The following WLS variants were observed in gnomAD, a reference collection of about 807,000 sequenced individuals.
WLS encodes Wnt ligand secretion mediator.
A neutral mutation model predicts 62.8 loss-of-function variants in WLS; 23 were observed. The ratio of observed to expected loss-of-function variants is 0.37; its 90% confidence interval spans 0.26 to 0.52. The LOEUF (loss-of-function observed/expected upper bound fraction) is 0.52, where lower values mean the gene tolerates loss of function less well. Ranked by LOEUF, WLS falls within the 20% of genes least tolerant of loss-of-function variation. The pLI, the probability that WLS is intolerant of heterozygous loss-of-function variation, is 0.92. For synonymous variants in WLS, 246 were observed against 244.1 expected (o/e 1.01, Z -0.07); for missense variants, 615 against 697.3 (o/e 0.88, Z 1.33).
Position 68,147,147 on chromosome 1 carries a change from T to C in WLS, c.1134+989A>G, listed in dbSNP as rs569722612. On this transcript the variant is annotated intron_variant, in intron 8 of 11. Transcript: ENST00000262348. ...TCTAATGCAGTTTCTCCTTCTTTCCTATAATGAACATCATCCTGGAATGAA... is the reference window on the plus strand; with the variant it reads ...TCTAATGCAGTTTCTCCTTCTTTCCCATAATGAACATCATCCTGGAATGAA... 2.0e-5 allele frequency among the ~76,000 whole-genome samples: 3 copies of C among 152,334 alleles called. No homozygotes were observed. The East Asian group carries it at 5.8e-4, about 29-fold the overall frequency.
At chr1:68,107,940 C>A (rs74081369) in intron 11 of WLS, among the ~76,000 whole-genome samples, 1 of 152,150 alleles carries the variant, frequency 6.6e-6, no homozygotes, top group East Asian at 1.9e-4. Context: ...AGTTCTAGAG[C>A]CTTCCAGACC....
In WLS at chr1:68,200,912, G is replaced by C. The variant is rs987429868; in HGVS notation, c.107-6685C>G. ...TGCTTTGGATTTTTTGAGTATCAAG[G>C]TGGGGAGGGTCGAAAAGAGGGAGAA... On this transcript the variant is annotated intron_variant, in intron 1 of 11. Coordinates refer to ENST00000262348, the MANE Select transcript of WLS (RefSeq NM_024911.7). Among the ~76,000 whole-genome samples the C allele has an allele frequency of 6.6e-5, 10 of 152,224 alleles. No homozygotes were observed. The South Asian group carries it at 2.1e-3, about 32-fold the overall frequency.
intron 1 of WLS, among the ~76,000 whole-genome samples, chr1:68,231,130 G>A (rs1176569700): frequency 6.6e-6 from 1 of 152,250 alleles, no homozygotes; most frequent in African/African-American, 2.4e-5. Flanking sequence ...AATCTTGAGG[G>A]GGCGGGGGGC....
intron 11 of WLS, chr1:68,102,675 C>A (rs1308667029): frequency 1.3e-5 from 2 of 152,288 alleles, no homozygotes; most frequent in Middle Eastern, 3.4e-3. Flanking sequence ...GCTCTACTAC[C>A]CAGAAGAGTT....
At chr1:68,099,763 C>A (rs535206974) in intron 11 of WLS, 1 of 152,096 alleles carries the variant, frequency 6.6e-6, no homozygotes. Context: ...GCGGAACCTG[C>A]GGATACAGAG....
intron 2 of WLS, among the ~76,000 whole-genome samples, chr1:68,188,969 C>T (rs2100589865): frequency 6.6e-6 from 1 of 152,308 alleles, no homozygotes; most frequent in African/African-American, 2.4e-5. Context: ...GAGGTTTCAC[C>T]TTCAGTGGTT....
intron 2 of WLS, among the ~76,000 whole-genome samples, chr1:68,170,518 C>T (rs919842022): frequency 6.6e-5 from 10 of 152,118 alleles, no homozygotes; most frequent in African/African-American, 2.4e-4. Flanking sequence ...ACCTGCTGTA[C>T]TCAGGGTCCC....
chr1:68,222,209 G>A (rs1044999690), intron 1 of WLS, among the ~76,000 whole-genome samples: 5 of 152,110 alleles, frequency 3.3e-5, no homozygotes, highest in African/African-American at 7.2e-5. Context: ...ACTATACTGC[G>A]TGGTTTTGGT....
intron 2 of WLS, among the ~76,000 whole-genome samples, chr1:68,190,916 G>A (rs1056401504): frequency 6.6e-6 from 1 of 152,176 alleles, no homozygotes; most frequent in Non-Finnish European, 1.5e-5. Flanking sequence ...AAATTAGCCA[G>A]GCGTGGTGGC....
At chr1:68,162,852 C>T in intron 2 of WLS, 1 of 1,411,332 alleles carries the variant, frequency 7.1e-7, no homozygotes, top group East Asian at 2.3e-5. Flanking sequence ...TGTGGTACAT[C>T]ATGGTACCCA....
rs1399001089 is a variant in WLS at position 68,137,389 on chromosome 1, C to G, written c.1516+391G>C. Among the ~76,000 whole-genome samples the G allele has an allele frequency of 5.9e-5, 9 of 152,186 alleles. No individual in the cohort carries two copies. In the East Asian group the frequency reaches 1.5e-3, roughly 26 times the overall value. ...CTATTCCATCTTCAGCTCTCAGGGC[C>G]CAGACTCCCTCCACCTGATATCTTA... On this transcript the variant is annotated intron_variant, in intron 11 of 11. Coordinates refer to ENST00000262348, the MANE Select transcript of WLS (RefSeq NM_024911.7).
intron 5 of WLS, among the ~76,000 whole-genome samples, chr1:68,152,212 T>C (rs1437430785): frequency 6.6e-6 from 1 of 152,128 alleles, no homozygotes. Context: ...TCAATGCAAA[T>C]GAAGACATTA....
In WLS at chr1:68,125,499, AG is replaced by A; in HGVS notation, c.*726del. On this transcript the variant is annotated 3_prime_UTR_variant, in exon 12 of 12. Coordinates refer to ENST00000262348, the MANE Select transcript of WLS (RefSeq NM_024911.7). Reference sequence around the variant, plus strand: ...CGCATTTTAAGCAAGAAGTTAAAAAAGCTTTTCAGACCCGAAGGCCATTTAA... The same window carrying A: ...CGCATTTTAAGCAAGAAGTTAAAAAACTTTTCAGACCCGAAGGCCATTTAA... The A allele has an allele frequency of 1.0e-6, 1 of 985,444 alleles. No individual in the cohort carries two copies. Among genetic ancestry groups the A allele is most frequent in the Non-Finnish European group, 1.2e-6 (1 of 829,922 alleles). The allele number at this position is 985,444 out of a possible 1,614,324, so 61.0% of individuals were successfully genotyped here. A position where few individuals can be genotyped will look rare whatever the true frequency, so the allele number is the denominator to read the frequency against.
Position 68,160,104 on chromosome 1 carries a change from G to T in WLS, c.380-857C>A, listed in dbSNP as rs184409682. ...TTTTTTTTTTTTTTTGAGTATAAAG[G>T]TTTAATTCTATTTAAAAAGAAAGTC... On this transcript the variant is annotated intron_variant, in intron 2 of 11. Coordinates refer to ENST00000262348, the MANE Select transcript of WLS (RefSeq NM_024911.7). Among the ~76,000 whole-genome samples, 182 of 128,926 alleles carry T rather than the reference G, an allele frequency of 1.4e-3. 2 individuals are homozygous for T. In the Middle Eastern group the frequency reaches 0.017, roughly 12 times the overall value. 84.6% of individuals were successfully genotyped at this position (128,926 alleles called of 152,430 possible).
intron 1 of WLS, chr1:68,231,475 C>A (rs537598380): frequency 3.6e-6 from 1 of 276,568 alleles, no homozygotes; most frequent in South Asian, 3.3e-5. Context: ...CCAAAAGCAA[C>A]ACCTTTCGGA....
chr1:68,216,116 T>C (rs1649716463), intron 1 of WLS, among the ~76,000 whole-genome samples: 2 of 152,226 alleles, frequency 1.3e-5, no homozygotes, highest in Non-Finnish European at 2.9e-5. Context: ...AAAGAAATGT[T>C]TGGCCAATAC....
At chr1:68,167,549 A>G (rs1320061499) in intron 2 of WLS, among the ~76,000 whole-genome samples, 2 of 152,236 alleles carry the variant, frequency 1.3e-5, no homozygotes, top group Non-Finnish European at 2.9e-5. Flanking sequence ...CAGGAAGGCT[A>G]AGCTACATTT....
At chr1:68,150,995 C>G (rs1646818465) in intron 5 of WLS, among the ~76,000 whole-genome samples, 1 of 152,190 alleles carries the variant, frequency 6.6e-6, no homozygotes, top group African/African-American at 2.4e-5. Context: ...TGTGTTAGCA[C>G]TATGGAATCC....
intron 1 of WLS, among the ~76,000 whole-genome samples, chr1:68,225,144 T>A (rs1432369875): frequency 1.1e-4 from 17 of 149,608 alleles, no homozygotes; most frequent in Admixed American, 1.1e-3. Flanking sequence ...CTGCTTTTGC[T>A]CCCCTACAAG....
Sources: allele counts gnomAD v4.1 joint callset (sites outside exome capture counted in the v4.1 genomes callset), GRCh38; gene constraint gnomAD v4.1.1; transcripts MANE v1.5; gene names NCBI Gene and HGNC (gene_info 2026-07-23, HGNC 2026-07-21).